IMMP2L: variants seen among roughly 807,000 people sequenced by gnomAD.
The protein encoded by IMMP2L is mitochondrial inner membrane protease subunit 2.
Under a neutral mutation model 19.3 loss-of-function variants are expected in IMMP2L, and 18 were observed. The observed-to-expected ratio is 0.93, with a 90% CI of 0.64 to 1.38. The LOEUF (loss-of-function observed/expected upper bound fraction) is 1.38, where lower values mean the gene tolerates loss of function less well. IMMP2L is among the 40% of genes most tolerant of loss of function. IMMP2L has a pLI of 0.00. For synonymous variants in IMMP2L, 76 were observed against 73.0 expected (o/e 1.04, Z -0.21); for missense variants, 233 against 218.2 (o/e 1.07, Z -0.43).
chr7:111,065,904 G>GTA (rs35725754), intron 3 of IMMP2L, among the ~76,000 whole-genome samples: 1 of 150,498 alleles, frequency 6.6e-6, no homozygotes, highest in East Asian at 2.0e-4. Context: ...AATACAATGT[G>GTA]TGTGTGTGTG....
intron 4 of IMMP2L, among the ~76,000 whole-genome samples, chr7:110,915,162 A>G (rs1010983339): frequency 4.6e-5 from 7 of 152,226 alleles, no homozygotes; most frequent in Non-Finnish European, 1.0e-4. Flanking sequence ...AGCATTATTC[A>G]TAATAGCCAA....
At chr7:111,137,103 C>T (rs1269635710) in intron 3 of IMMP2L, among the ~76,000 whole-genome samples, 1 of 152,046 alleles carries the variant, frequency 6.6e-6, no homozygotes, top group Non-Finnish European at 1.5e-5. Context: ...ATATAGTCTT[C>T]GTCATGTTGA....
chr7:111,111,407 C>T (rs973661922), intron 3 of IMMP2L, among the ~76,000 whole-genome samples: 48 of 151,050 alleles, frequency 3.2e-4, no homozygotes, highest in African/African-American at 1.1e-3. Flanking sequence ...TTCCATCCCC[C>T]CCCAAAAAAA....
chr7:111,424,398 T>G (rs924304374), intron 3 of IMMP2L, among the ~76,000 whole-genome samples: 1 of 151,756 alleles, frequency 6.6e-6, no homozygotes, highest in African/African-American at 2.4e-5. Flanking sequence ...GGCTGTGGTA[T>G]GAATAAAAGA....
At chr7:111,545,749 T>C (rs994599519) in intron 1 of IMMP2L, among the ~76,000 whole-genome samples, 1 of 152,198 alleles carries the variant, frequency 6.6e-6, no homozygotes, top group African/African-American at 2.4e-5. Context: ...TGGCTATATG[T>C]AATGCAGAAG....
At chr7:111,258,744 G>A (rs566353093) in intron 3 of IMMP2L, among the ~76,000 whole-genome samples, 8 of 152,180 alleles carry the variant, frequency 5.3e-5, no homozygotes, top group South Asian at 2.1e-4. Flanking sequence ...GACCTCAAGC[G>A]ATCTGCCCGC....
intron 3 of IMMP2L, among the ~76,000 whole-genome samples, chr7:111,140,311 C>T (rs1044260094): frequency 1.3e-5 from 2 of 151,980 alleles, no homozygotes; most frequent in African/African-American, 4.8e-5. Flanking sequence ...ACAACAATAA[C>T]AACAAAAAAC....
At chr7:110,713,147 A>C (rs1469030996) in intron 5 of IMMP2L, among the ~76,000 whole-genome samples, 3 of 152,230 alleles carry the variant, frequency 2.0e-5, no homozygotes, top group African/African-American at 4.8e-5. Flanking sequence ...TTACCCCAGC[A>C]CCATTTATTT....
At chr7:110,671,277 T>G (rs1360768710) in intron 5 of IMMP2L, among the ~76,000 whole-genome samples, 2 of 152,212 alleles carry the variant, frequency 1.3e-5, no homozygotes, top group Non-Finnish European at 2.9e-5. Context: ...TCCCTATTAT[T>G]TATGTTAAAA....
chr7:111,468,092 A>G (rs1327046860), intron 3 of IMMP2L, among the ~76,000 whole-genome samples: 1 of 152,128 alleles, frequency 6.6e-6, no homozygotes, highest in Non-Finnish European at 1.5e-5. Flanking sequence ...TCTCATCCCA[A>G]CTAGATATAC....
intron 5 of IMMP2L, among the ~76,000 whole-genome samples, chr7:110,667,774 T>C (rs564981264): frequency 2.8e-4 from 42 of 152,346 alleles, no homozygotes; most frequent in African/African-American, 8.9e-4. Flanking sequence ...AACTGTAAAA[T>C]AGTATATTTG....
chr7:110,988,965 G>A (rs565297541), intron 3 of IMMP2L, among the ~76,000 whole-genome samples: 12 of 152,116 alleles, frequency 7.9e-5, no homozygotes, highest in East Asian at 5.8e-4. Context: ...TGCCAGGTGC[G>A]GTGGCTCATG....
chr7:111,018,222 G>A lies in IMMP2L; in HGVS notation c.240-54657C>T, dbSNP rs186320541. Among the ~76,000 whole-genome samples, 17 of 152,288 alleles carry A rather than the reference G, an allele frequency of 1.1e-4. No homozygotes were observed. In the East Asian group the frequency reaches 3.3e-3, roughly 29 times the overall value. On this transcript the variant is annotated intron_variant, in intron 3 of 5. Transcript: ENST00000405709. ...GCAAGACAAGTTTCAGTGAGGCAGA[G>A]CCACCCCAGGTGTTCATTAAAATCA... is the stretch of plus-strand genomic sequence containing the variant.
intron 3 of IMMP2L, among the ~76,000 whole-genome samples, chr7:111,051,351 G>C (rs976572450): frequency 6.6e-6 from 1 of 152,142 alleles, no homozygotes; most frequent in Non-Finnish European, 1.5e-5. Context: ...GCATAGGAAA[G>C]TCTTCAGGAA....
intron 3 of IMMP2L, among the ~76,000 whole-genome samples, chr7:111,268,528 A>G: frequency 7.0e-6 from 1 of 142,770 alleles, no homozygotes; most frequent in Non-Finnish European, 1.5e-5. Flanking sequence ...AGCGAAAACT[A>G]CATTCCCAGG....
intron 3 of IMMP2L, among the ~76,000 whole-genome samples, chr7:111,147,389 G>A (rs910843524): frequency 5.3e-5 from 8 of 152,006 alleles, no homozygotes; most frequent in African/African-American, 9.7e-5. Context: ...CTTTCCCAAC[G>A]GTTTCCCTCC....
intron 3 of IMMP2L, among the ~76,000 whole-genome samples, chr7:111,200,676 A>C (rs1295665567): frequency 1.3e-5 from 2 of 152,188 alleles, no homozygotes; most frequent in Non-Finnish European, 2.9e-5. Flanking sequence ...AGACATAATA[A>C]ATATCTATAT....
At chr7:111,234,843 C>T (rs550594726) in intron 3 of IMMP2L, among the ~76,000 whole-genome samples, 57 of 152,178 alleles carry the variant, frequency 3.7e-4, no homozygotes, top group African/African-American at 1.3e-3. Context: ...AGTATTCTTA[C>T]ATTTCCCCCT....
chr7:111,355,646 A>C (rs1428363317), intron 3 of IMMP2L, among the ~76,000 whole-genome samples: 1 of 151,986 alleles, frequency 6.6e-6, no homozygotes, highest in East Asian at 1.9e-4. Flanking sequence ...CTGGTCACTC[A>C]TAAGATGTAC....
Sources: gnomAD v4.1 joint callset for allele counts (sites outside exome capture counted in the v4.1 genomes callset) on GRCh38, gnomAD v4.1.1 for gene constraint, MANE v1.5 for transcripts, NCBI Gene and HGNC (gene_info 2026-07-23, HGNC 2026-07-21) for gene names.